TMEM135: variants seen among roughly 807,000 people sequenced by gnomAD.
TMEM135 encodes peroxisomal membrane protein 52.
In TMEM135, 30 loss-of-function variants were observed where a neutral mutation model predicts 60.3. The ratio of observed to expected loss-of-function variants is 0.50; its 90% CI spans 0.37 to 0.68. The LOEUF (loss-of-function observed/expected upper bound fraction) is 0.68. Ranked by LOEUF, TMEM135 falls within the 30% of genes least tolerant of loss-of-function variation. The pLI, the probability that TMEM135 is intolerant of heterozygous loss-of-function variation, is 0.00. For missense variants in TMEM135, 468 were observed against 548.8 expected (o/e 0.85, Z 1.47); for synonymous variants, 190 against 186.7 (o/e 1.02, Z -0.14).
chr11:87,195,438 G>T (rs1939932449), intron 5 of TMEM135, among the ~76,000 whole-genome samples: 1 of 126,972 alleles, frequency 7.9e-6, no homozygotes, highest in Non-Finnish European at 1.6e-5. Context: ...TTTCTCTCTT[G>T]TTTTTGAGAC....
intron 5 of TMEM135, among the ~76,000 whole-genome samples, chr11:87,190,315 A>G (rs1939768744): frequency 6.6e-6 from 1 of 152,218 alleles, no homozygotes; most frequent in African/African-American, 2.4e-5. Context: ...TGGAAAACAG[A>G]AAACCATCTG....
At chr11:87,038,536 GT>G (rs1272323298) in intron 1 of TMEM135, among the ~76,000 whole-genome samples, 1 of 150,596 alleles carries the variant, frequency 6.6e-6, no homozygotes, top group African/African-American at 2.4e-5. Flanking sequence ...TGATGGAGAG[GT>G]ATTTGTAGGT....
intron 5 of TMEM135, among the ~76,000 whole-genome samples, chr11:87,170,216 G>T (rs1458218846): frequency 6.6e-6 from 1 of 151,992 alleles, no homozygotes. Context: ...TAGCTTCCTT[G>T]CATTGGGTTA....
chr11:87,303,347 C>G (rs748814445), intron 8 of TMEM135, among the ~76,000 whole-genome samples: 1 of 152,154 alleles, frequency 6.6e-6, no homozygotes, highest in African/African-American at 2.4e-5. Flanking sequence ...AACCACCCCC[C>G]TCTCCAGCCA....
chr11:87,269,494 C>G (rs1007816844), intron 6 of TMEM135, among the ~76,000 whole-genome samples: 37 of 151,850 alleles, frequency 2.4e-4, no homozygotes, highest in African/African-American at 7.5e-4. Flanking sequence ...ATCCCTCCCC[C>G]CTCCTCCCAC....
At chr11:87,085,309 T>C (rs1857072818) in intron 3 of TMEM135, among the ~76,000 whole-genome samples, 1 of 152,176 alleles carries the variant, frequency 6.6e-6, no homozygotes, top group South Asian at 2.1e-4. Context: ...GAAAGATAAA[T>C]TGAAATTTTG....
chr11:87,200,289 A>G (rs1940065893), intron 5 of TMEM135, among the ~76,000 whole-genome samples: 1 of 152,158 alleles, frequency 6.6e-6, no homozygotes, highest in South Asian at 2.1e-4. Flanking sequence ...ATATAATAAG[A>G]AAATAACCTA....
chr11:87,315,060 CA>C (rs1384867429), intron 12 of TMEM135, among the ~76,000 whole-genome samples: 2 of 151,698 alleles, frequency 1.3e-5, no homozygotes, highest in Non-Finnish European at 3.0e-5. Context: ...TATGTTTTTG[CA>C]ATCATTTTAT....
chr11:87,267,958 T>G (rs1047426485), intron 6 of TMEM135, among the ~76,000 whole-genome samples: 2 of 151,950 alleles, frequency 1.3e-5, no homozygotes, highest in African/African-American at 4.8e-5. Context: ...TCCTAAAGTG[T>G]TGGGATTACA....
chr11:87,140,324 C>T (rs1938228616), intron 4 of TMEM135, among the ~76,000 whole-genome samples: 1 of 152,180 alleles, frequency 6.6e-6, no homozygotes, highest in African/African-American at 2.4e-5. Flanking sequence ...GCCATGGCCT[C>T]CCAAAGTGCT....
intron 5 of TMEM135, among the ~76,000 whole-genome samples, chr11:87,230,724 T>TAGA (rs1383368361): frequency 1.3e-5 from 2 of 152,204 alleles, no homozygotes; most frequent in African/African-American, 4.8e-5. Flanking sequence ...AGATGTCCAG[T>TAGA]AGAACTTTTT....
At chr11:87,239,174 C>T (rs953400596) in intron 6 of TMEM135, among the ~76,000 whole-genome samples, 2 of 151,968 alleles carry the variant, frequency 1.3e-5, no homozygotes, top group African/African-American at 4.8e-5. Context: ...AGGTTAAAAA[C>T]AACAGTTTAA....
chr11:87,171,107 T>C (rs1281723939), intron 5 of TMEM135, among the ~76,000 whole-genome samples: 2 of 152,068 alleles, frequency 1.3e-5, no homozygotes, highest in South Asian at 2.1e-4. Flanking sequence ...AGGGGCATAG[T>C]TGAAGATTAA....
At chr11:87,038,528 A>G (rs1949723357) in intron 1 of TMEM135, among the ~76,000 whole-genome samples, 1 of 149,912 alleles carries the variant, frequency 6.7e-6, no homozygotes, top group Non-Finnish European at 1.5e-5. Flanking sequence ...CTGCCTTGTG[A>G]TGGAGAGGTA....
intron 6 of TMEM135, among the ~76,000 whole-genome samples, chr11:87,284,943 C>T (rs889451566): frequency 6.6e-6 from 1 of 152,074 alleles, no homozygotes; most frequent in Non-Finnish European, 1.5e-5. Context: ...ACATGAAAAC[C>T]TTTTGTATGT....
At chr11:87,170,409 T>C (rs1296517527) in intron 5 of TMEM135, among the ~76,000 whole-genome samples, 1 of 152,168 alleles carries the variant, frequency 6.6e-6, no homozygotes, top group Non-Finnish European at 1.5e-5. Flanking sequence ...GGTTTTTCCT[T>C]ATCTTTGTGA....
intron 5 of TMEM135, among the ~76,000 whole-genome samples, chr11:87,167,407 C>T (rs1175348317): frequency 6.6e-6 from 1 of 152,140 alleles, no homozygotes; most frequent in African/African-American, 2.4e-5. Context: ...AGAATGCTTC[C>T]AGCTTTTGCC....
chr11:87,285,819 A>G (rs1942154575), intron 6 of TMEM135, among the ~76,000 whole-genome samples: 1 of 152,078 alleles, frequency 6.6e-6, no homozygotes. Flanking sequence ...GGTCCATTTT[A>G]CAGACAGCTG....
intron 1 of TMEM135, among the ~76,000 whole-genome samples, chr11:87,060,128 A>T (rs940286965): frequency 6.6e-6 from 1 of 152,236 alleles, no homozygotes; most frequent in Admixed American, 6.5e-5. Context: ...AAAGAAAGAA[A>T]AAAAGTAAAT....
Sources: gnomAD v4.1 joint callset for allele counts (sites outside exome capture counted in the v4.1 genomes callset) on GRCh38, gnomAD v4.1.1 for gene constraint, MANE v1.5 for transcripts, NCBI Gene and HGNC (gene_info 2026-07-23, HGNC 2026-07-21) for gene names.